Variants in NARS2 observed in about 807,000 individuals in gnomAD.
NARS2 encodes the protein asparaginyl-tRNA synthetase.
In NARS2, 60 loss-of-function variants were observed where a neutral mutation model predicts 62.9. That is an observed-to-expected ratio of 0.95 (90% CI 0.77 to 1.18). The LOEUF (loss-of-function observed/expected upper bound fraction) is 1.18. Ranked by LOEUF, NARS2 falls within the 50% of genes most tolerant of loss-of-function variation. The pLI is 0.00. For synonymous variants in NARS2, 196 were observed against 200.0 expected, an observed-to-expected ratio of 0.98 and a Z score of 0.17; for missense variants, 619 against 576.4, an observed-to-expected ratio of 1.07 and a Z score of -0.76.
intron 6 of NARS2, among the ~76,000 whole-genome samples, chr11:78,522,762 AT>A (rs972601429): frequency 1.8e-4 from 28 of 152,174 alleles, no homozygotes; most frequent in African/African-American, 5.3e-4. Flanking sequence ...ACTCAAAAGC[AT>A]TTTTTTTATA....
intron 11 of NARS2, 123 bp downstream of exon 11, chr11:78,465,753 T>C (rs2135212621): frequency 8.8e-7 from 1 of 1,142,716 alleles, no homozygotes; most frequent in Admixed American, 2.6e-5. Context: ...AGAGATGTCT[T>C]TGAAAAACAT....
intron 13 of NARS2, among the ~76,000 whole-genome samples, chr11:78,438,255 C>T (rs1857471538): frequency 6.6e-6 from 1 of 152,000 alleles, no homozygotes; most frequent in African/African-American, 2.4e-5. Flanking sequence ...AAGAGACCAA[C>T]ATTACAGGGA....
intron 11 of NARS2, among the ~76,000 whole-genome samples, chr11:78,451,358 C>G (rs908559636): frequency 6.6e-6 from 1 of 152,200 alleles, no homozygotes; most frequent in Non-Finnish European, 1.5e-5. Flanking sequence ...GAAAAACTAC[C>G]TCTTTCTCCT....
At chr11:78,473,950 T>C (rs1393491572) in intron 9 of NARS2, among the ~76,000 whole-genome samples, 1 of 152,118 alleles carries the variant, frequency 6.6e-6, no homozygotes, top group Non-Finnish European at 1.5e-5. Flanking sequence ...TTTCAAAAAC[T>C]GGAAAATCGC....
chr11:78,534,819 C>A (rs1861612439), intron 5 of NARS2, among the ~76,000 whole-genome samples: 2 of 152,118 alleles, frequency 1.3e-5, no homozygotes, highest in African/African-American at 4.8e-5. Flanking sequence ...ATACCTAAAT[C>A]TGAGCGAGGA....
At chr11:78,519,981 C>G (rs978176928) in intron 6 of NARS2, among the ~76,000 whole-genome samples, 3 of 152,032 alleles carry the variant, frequency 2.0e-5, no homozygotes, top group Non-Finnish European at 2.9e-5. Flanking sequence ...GTGTGAGCCA[C>G]CACGTCCAGC....
chr11:78,530,374 A>G (rs1329550454), intron 5 of NARS2, among the ~76,000 whole-genome samples: 1 of 152,060 alleles, frequency 6.6e-6, no homozygotes, highest in Non-Finnish European at 1.5e-5. Flanking sequence ...CCTTTCCTTC[A>G]CCACTTTAGT....
At chr11:78,505,024 C>A (rs978323379) in intron 6 of NARS2, among the ~76,000 whole-genome samples, 38 of 151,446 alleles carry the variant, frequency 2.5e-4, no homozygotes, top group Non-Finnish European at 4.9e-4. Context: ...ATAATTCATG[C>A]ACACAGTTCA....
intron 4 of NARS2, among the ~76,000 whole-genome samples, chr11:78,563,845 A>ATAT (rs1263334989): frequency 9.0e-4 from 59 of 65,592 alleles, no homozygotes; most frequent in African/African-American, 4.5e-3. Context: ...AAAAAAAAAA[A>ATAT]AAAAAAATAT....
chr11:78,496,537 C>T (rs568523545), intron 6 of NARS2, among the ~76,000 whole-genome samples: 3 of 152,246 alleles, frequency 2.0e-5, no homozygotes, highest in South Asian at 4.1e-4. Flanking sequence ...CTCTAATGCT[C>T]ATAGCCTTAA....
At chr11:78,492,481 A>G (rs1166442928) in intron 7 of NARS2, among the ~76,000 whole-genome samples, 1 of 152,194 alleles carries the variant, frequency 6.6e-6, no homozygotes, top group Non-Finnish European at 1.5e-5. Flanking sequence ...GGTAAAGTTC[A>G]AACTCCTTAC....
chr11:78,536,382 A>T (rs1855346114), intron 5 of NARS2, among the ~76,000 whole-genome samples: 1 of 152,212 alleles, frequency 6.6e-6, no homozygotes, highest in African/African-American at 2.4e-5. Flanking sequence ...CCATCATAGG[A>T]GATGACAGCT....
rs116318191 is a variant in NARS2 at position 78,571,798 on chromosome 11, C to G, written c.142-354G>C. The stretch of plus-strand genomic sequence containing the variant: ...TGGCCCAACAATAAATAACAGGGCA[C>G]ATATCTTGGTGCCTTTCTCAGGATG... On this transcript the variant is annotated intron_variant, in intron 1 of 13. Coordinates refer to ENST00000281038, the MANE Select transcript of NARS2 (RefSeq NM_024678.6). 4.3e-3 allele frequency: 779 copies of G among 180,858 alleles called. 7 individuals carry two copies. Among genetic ancestry groups the G allele is most frequent in the African/African-American group, 0.017 (730 of 42,704 alleles). The allele number at this position is 180,858 out of a possible 1,614,324, so 11.2% of individuals were successfully genotyped here.
At chr11:78,545,365 T>C (rs751895474) in intron 5 of NARS2, among the ~76,000 whole-genome samples, 1 of 152,140 alleles carries the variant, frequency 6.6e-6, no homozygotes, top group Non-Finnish European at 1.5e-5. Flanking sequence ...AATCTTCCTC[T>C]CTTTCCTATG....
At chr11:78,438,316 G>T (rs1857473804) in intron 13 of NARS2, among the ~76,000 whole-genome samples, 1 of 152,020 alleles carries the variant, frequency 6.6e-6, no homozygotes, top group African/African-American at 2.4e-5. Context: ...ATAATGGGAG[G>T]CACATTCAGT....
At chr11:78,456,885 A>G (rs551604653) in intron 11 of NARS2, among the ~76,000 whole-genome samples, 1 of 152,338 alleles carries the variant, frequency 6.6e-6, no homozygotes, top group East Asian at 1.9e-4. Context: ...TCATTTTCCC[A>G]TGATCTGTCC....
chr11:78,468,825 T>A (rs1361102488), intron 10 of NARS2, among the ~76,000 whole-genome samples: 1 of 146,626 alleles, frequency 6.8e-6, no homozygotes, highest in Non-Finnish European at 1.5e-5. Context: ...AGAGACAGGG[T>A]CTCACTGTAT....
In NARS2 at chr11:78,457,477, G is replaced by A. The variant is rs564808634; in HGVS notation, c.1164+8399C>T. On this transcript the variant is annotated intron_variant, in intron 11 of 13. Transcript: ENST00000281038. ...CTTCACCAGAAAACAACAAATGAGG[G>A]ATAGAAGCAGGCACTTCATACAAAT... Among the ~76,000 whole-genome samples the A allele has an allele frequency of 3.3e-5, 5 of 152,234 alleles. No homozygotes were observed. In the South Asian group the frequency reaches 8.3e-4, roughly 25 times the overall value.
rs1470501746 is a variant in NARS2, at chr11:78,574,376, T to A, written c.113A>T (p.Asn38Ile). Reference protein sequence around the residue: ...LSVRDALGAQNASGERIKIQG... With the variant: ...LSVRDALGAQIASGERIKIQG... Reference sequence around the variant, plus strand: ...GATCTTAATGCGCTCCCCACTCGCGTTCTGAGCCCCGAGAGCGTCCCGCAC... The same window carrying A: ...GATCTTAATGCGCTCCCCACTCGCGATCTGAGCCCCGAGAGCGTCCCGCAC... Residue 38 changes from asparagine to isoleucine, a missense_variant, in exon 1 of 14, where the codon AAC becomes ATC. Physicochemically the swap from Asn to Ile is moderately radical, Grantham distance 149 (BLOSUM62 -3). Coordinates refer to ENST00000281038, the MANE Select transcript of NARS2 (RefSeq NM_024678.6). The A allele has an allele frequency of 1.2e-6, 2 of 1,614,086 alleles. No homozygotes were observed. The highest frequency in any genetic ancestry group is 1.7e-6 in the Non-Finnish European group (2 of 1,180,032).
Sources: gnomAD v4.1 joint callset for allele counts (sites outside exome capture counted in the v4.1 genomes callset) on GRCh38, gnomAD v4.1.1 for gene constraint, MANE v1.5 for transcripts, NCBI Gene and HGNC (gene_info 2026-07-23, HGNC 2026-07-21) for gene names.